The following WWP2 variants were observed in gnomAD, a reference collection of about 807,000 sequenced individuals.
The protein encoded by WWP2 is WW domain containing E3 ubiquitin protein ligase 2.
Under a neutral mutation model 121.0 loss-of-function variants are expected in WWP2, and 57 were observed. The ratio of observed to expected loss-of-function variants is 0.47; its 90% CI spans 0.38 to 0.59. The LOEUF is 0.59. WWP2 is among the 20% of genes least tolerant of loss of function. The probability of loss-of-function intolerance (pLI) is 0.00; values close to 1 mark genes in which losing one functional copy is unlikely to be tolerated. For synonymous variants in WWP2, 449 were observed against 441.3 expected (o/e 1.02, Z -0.22); for missense variants, 962 against 1,158.9 (o/e 0.83, Z 2.47).
chr16:69,783,555 A>G (rs963010442), intron 1 of WWP2, among the ~76,000 whole-genome samples: 24 of 152,064 alleles, frequency 1.6e-4, no homozygotes, highest in Admixed American at 1.1e-3. Context: ...TCTAAATAGT[A>G]ATAATAATAA....
At chr16:69,931,051 TTTAAA>T (rs2058703114) in intron 13 of WWP2, 96 bp from the exon 14 acceptor site, 3 of 1,154,468 alleles carry the variant, frequency 2.6e-6, no homozygotes, top group Non-Finnish European at 3.8e-6. Context: ...ATTACTAATC[TTTAAA>T]TTAACATAGC....
At chr16:69,812,141 CGTT>C (rs200571247) in intron 4 of WWP2, among the ~76,000 whole-genome samples, 2,010 of 140,280 alleles carry the variant, frequency 0.014, 45 homozygotes, top group African/African-American at 0.047. Flanking sequence ...TTGGCATCGG[CGTT>C]GTTGAAGAGT....
rs1247598934 is a variant in WWP2 at position 69,935,106 on chromosome 16, C to G, written c.1843-747C>G. Among the ~76,000 whole-genome samples the G allele has an allele frequency of 1.3e-5, 2 of 152,192 alleles. No individual in the cohort carries two copies. Among genetic ancestry groups the G allele is most frequent in the Non-Finnish European group, 2.9e-5 (2 of 68,038 alleles). Reference sequence around the variant, plus strand: ...AGCGTGGAGAACCCGGATTGAGAAGCGGAGCCCGTGGGAGGCACAGCGCGG... The same window carrying G: ...AGCGTGGAGAACCCGGATTGAGAAGGGGAGCCCGTGGGAGGCACAGCGCGG... On this transcript the variant is annotated intron_variant, in intron 17 of 23. Coordinates refer to ENST00000359154, the MANE Select transcript of WWP2 (RefSeq NM_001270454.2). The surrounding 1 kb of genome is among the most constrained non-coding windows in gnomAD (Gnocchi z 5.2).
intron 4 of WWP2, among the ~76,000 whole-genome samples, chr16:69,829,332 A>G (rs568204660): frequency 1.3e-5 from 2 of 152,186 alleles, no homozygotes; most frequent in South Asian, 2.1e-4. Context: ...ATCTTGTCAC[A>G]CCTCAGTTAA....
chr16:69,772,216 C>A lies in WWP2; in HGVS notation c.-16+9825C>A, dbSNP rs143342771. On this transcript the variant is annotated intron_variant, in intron 1 of 23. Coordinates refer to ENST00000359154, the MANE Select transcript of WWP2 (RefSeq NM_001270454.2). ...ACTTGGGTGATCCGCCTGCCTCGGC[C>A]TCCCAAAGTGCTGGACTAAAAGTCT... 4.4e-3 allele frequency among the ~76,000 whole-genome samples: 662 copies of A among 152,150 alleles called. 3 individuals carry two copies. The highest frequency in any genetic ancestry group is 0.014 in the Middle Eastern group (4 of 294).
In WWP2 at chr16:69,888,228, C is replaced by G. The variant is rs771920744; in HGVS notation, c.893C>G (p.Ala298Gly). ...CAGCAGCTCCCAGCGGCTGCCCAGG[C>G]CCCCGACGCTCTGCCTGCTGGGTGA... is the stretch of plus-strand genomic sequence containing the variant. ...GTQQLPAAAQ[A>G]PDALPAGWEQ... Residue 298 changes from alanine to glycine, a missense_variant, in exon 8 of 24, where the codon GCC (alanine) becomes GGC (glycine). Transcript: ENST00000359154. The G allele has an allele frequency of 3.1e-6, 5 of 1,613,958 alleles. No individual in the cohort carries two copies. The highest frequency in any genetic ancestry group is 1.7e-5 in the Admixed American group (1 of 60,000).
rs746178023 is a variant in WWP2, at chr16:69,937,268, G to T, written c.2238+30G>T. ...GTGTCTGAGGTTGCTGGGACCCTGAGCCCCTGCCTCTGGGGCGATCCTGCT... is the reference window on the plus strand; with the variant it reads ...GTGTCTGAGGTTGCTGGGACCCTGATCCCCTGCCTCTGGGGCGATCCTGCT... On this transcript the variant is annotated intron_variant, in intron 20 of 23. Transcript: ENST00000359154. The surrounding 1 kb of genome is among the most constrained non-coding windows in gnomAD (Gnocchi z 6.6). The T allele has an allele frequency of 1.9e-6, 3 of 1,611,250 alleles. No individual in the cohort carries two copies. The highest frequency in any genetic ancestry group is 2.7e-5 in the African/African-American group (2 of 74,704).
At chr16:69,830,766 G>A (rs146237281) in intron 4 of WWP2, among the ~76,000 whole-genome samples, 1,589 of 152,306 alleles carry the variant, frequency 0.01, 13 homozygotes, top group South Asian at 0.028. Flanking sequence ...AAGCCGAAGA[G>A]CCATCGTAAC....
At chr16:69,796,286 T>TAA (rs2056043084) in intron 2 of WWP2, among the ~76,000 whole-genome samples, 1 of 152,194 alleles carries the variant, frequency 6.6e-6, no homozygotes, top group Non-Finnish European at 1.5e-5. Context: ...ACAGTGGGGT[T>TAA]ACGTCCTGAA....
intron 9 of WWP2, among the ~76,000 whole-genome samples, chr16:69,913,363 G>A (rs1021210147): frequency 2.6e-5 from 4 of 151,942 alleles, no homozygotes; most frequent in Admixed American, 6.6e-5. Flanking sequence ...TTAGCTGAGT[G>A]TGGTGGTGTA....
Position 69,924,883 on chromosome 16 carries a change from G to A in WWP2, c.1180-547G>A, listed in dbSNP as rs377655113. 4.3e-4 allele frequency: 417 copies of A among 979,798 alleles called. 1 individual carries two copies. In the Middle Eastern group the frequency reaches 0.011, roughly 26 times the overall value. 60.7% of individuals were successfully genotyped at this position (979,798 alleles called of 1,614,324 possible). Reference sequence around the variant, plus strand: ...GCTGCACACCCAGATGGGAGGTTGGGGGGGACGCCGAGGTGGAGGGAGGAG... The same window carrying A: ...GCTGCACACCCAGATGGGAGGTTGGAGGGGACGCCGAGGTGGAGGGAGGAG... On this transcript the variant is annotated intron_variant, in intron 10 of 23. Coordinates refer to ENST00000359154, the MANE Select transcript of WWP2 (RefSeq NM_001270454.2).
At chr16:69,918,357 G>T (rs1294369096) in intron 10 of WWP2, among the ~76,000 whole-genome samples, 2 of 152,176 alleles carry the variant, frequency 1.3e-5, no homozygotes, top group East Asian at 3.9e-4. Context: ...AGGGATGAAG[G>T]ATCCTTGGGC....
chr16:69,918,033 A>C (rs906758536), intron 10 of WWP2, 150 bp downstream of exon 10: 1 of 1,064,306 alleles, frequency 9.4e-7, no homozygotes, highest in African/African-American at 1.6e-5. Flanking sequence ...TACTCATCAC[A>C]GTGAAATTCC....
chr16:69,863,568 G>T (rs1037525539), intron 6 of WWP2, among the ~76,000 whole-genome samples: 1 of 152,280 alleles, frequency 6.6e-6, no homozygotes, highest in Middle Eastern at 3.4e-3. Flanking sequence ...GAACCTGGTG[G>T]GGGCAGAGGT....
chr16:69,851,866 C>T (rs780872650), intron 6 of WWP2, among the ~76,000 whole-genome samples: 21 of 152,038 alleles, frequency 1.4e-4, no homozygotes, highest in Non-Finnish European at 2.6e-4. Flanking sequence ...TCCTGGAGTC[C>T]CAGCTACTCG....
intron 3 of WWP2, 59 bp downstream of exon 3, chr16:69,798,888 C>T (rs1161978093): frequency 5.6e-6 from 9 of 1,595,200 alleles, no homozygotes; most frequent in South Asian, 3.4e-5. Context: ...GAGGGTGCTC[C>T]GAGGGGGTTG....
chr16:69,869,608 G>A (rs1486589017), intron 6 of WWP2, among the ~76,000 whole-genome samples: 1 of 152,064 alleles, frequency 6.6e-6, no homozygotes, highest in Non-Finnish European at 1.5e-5. Flanking sequence ...GCCTCCCAAA[G>A]CGTTGGGATT....
chr16:69,875,796 C>T (rs2057724823), intron 7 of WWP2, among the ~76,000 whole-genome samples: 1 of 152,158 alleles, frequency 6.6e-6, no homozygotes, highest in East Asian at 1.9e-4. Flanking sequence ...CCTGCATTTC[C>T]TTCCTCCACT....
intron 4 of WWP2, among the ~76,000 whole-genome samples, chr16:69,835,662 A>G (rs1166017317): frequency 2.0e-5 from 3 of 152,174 alleles, no homozygotes. Flanking sequence ...ATTTGAAGGT[A>G]AATTGCAGAT....
Sources: allele counts gnomAD v4.1 joint callset (sites outside exome capture counted in the v4.1 genomes callset), GRCh38; gene constraint gnomAD v4.1.1; non-coding constraint Gnocchi (gnomAD v3.1); transcripts MANE v1.5; gene names NCBI Gene and HGNC (gene_info 2026-07-23, HGNC 2026-07-21).